Variants in SMARCA4 observed in about 807,000 individuals in gnomAD.
SMARCA4 encodes the protein SWI/SNF related BAF chromatin remodeling complex subunit ATPase 4.
A neutral mutation model predicts 193.9 loss-of-function variants in SMARCA4; 31 were observed. The ratio of observed to expected loss-of-function variants is 0.16; its 90% confidence interval spans 0.12 to 0.22. The LOEUF (loss-of-function observed/expected upper bound fraction) is 0.22. Among genes scored for constraint, SMARCA4 ranks in the 10% least tolerant of loss-of-function variants. The pLI, the probability that SMARCA4 is intolerant of heterozygous loss-of-function variation, is 1.00. For synonymous variants in SMARCA4, 942 were observed against 933.1 expected (o/e 1.01, Z -0.17); for missense variants, 1,148 against 2,296.0 (o/e 0.50, Z 10.22).
intron 14 of SMARCA4, among the ~76,000 whole-genome samples, chr19:11,010,008 T>TTTCACC (rs1460591116): frequency 6.6e-6 from 1 of 152,074 alleles, no homozygotes; most frequent in African/African-American, 2.4e-5. Context: ...TTTTTTGTAG[T>TTTCACC]AGAGATGGGG....
chr19:11,056,316 C>T (rs968667046), intron 30 of SMARCA4: 15 of 152,330 alleles, frequency 9.8e-5, no homozygotes, highest in African/African-American at 2.4e-4. Flanking sequence ...GCCACCAGCC[C>T]GCTCATAGGA....
chr19:10,995,370 T>A (rs1273439486), intron 9 of SMARCA4: 3 of 474,668 alleles, frequency 6.3e-6, no homozygotes, highest in South Asian at 4.6e-5. Context: ...GGGCAGATAT[T>A]GGCAGCGTGT....
intron 8 of SMARCA4, among the ~76,000 whole-genome samples, chr19:10,993,088 C>T (rs755476264): frequency 2.0e-5 from 3 of 149,702 alleles, no homozygotes; most frequent in Non-Finnish European, 4.4e-5. Flanking sequence ...TGGGTTCAAG[C>T]GATTCTCCTG....
rs878854233 is a variant in SMARCA4 at position 11,060,117 on chromosome 19, G to A, written c.4841G>A (p.Arg1614Gln). Residue 1614 changes from arginine (R) to glutamine (Q), a missense_variant, in exon 34 of 35, where the codon CGG (arginine) becomes CAG (glutamine). Arg to Gln is a conservative substitution (Grantham distance 43). Transcript: ENST00000344626. ...KAQDRLKGGRRRPSRGSRAKP... is the reference protein window; with the variant it reads ...KAQDRLKGGRQRPSRGSRAKP... ...CAGGACCGGCTGAAGGGCGGCCGGC[G>A]GCGGCCGAGCCGAGGGTCCCGAGCC... 7 of 1,551,084 alleles carry A rather than the reference G, an allele frequency of 4.5e-6. No homozygotes were observed. The highest frequency in any genetic ancestry group is 2.4e-5 in the South Asian group (2 of 84,056).
chr19:11,057,028 C>T (rs2076584516), intron 30 of SMARCA4, among the ~76,000 whole-genome samples: 1 of 152,240 alleles, frequency 6.6e-6, no homozygotes, highest in Non-Finnish European at 1.5e-5. Context: ...AGGAAAGAAG[C>T]GGTGCTGATG....
chr19:10,985,545 G>A lies in SMARCA4; in HGVS notation c.355+140G>A. 2 of 1,055,718 alleles carry A rather than the reference G, an allele frequency of 1.9e-6. No homozygotes were observed. Among genetic ancestry groups the A allele is most frequent in the East Asian group, 5.2e-5 (2 of 38,682 alleles). 65.4% of individuals were successfully genotyped at this position (1,055,718 alleles called of 1,614,324 possible). A position where few individuals can be genotyped will look rare whatever the true frequency, so the allele number is the denominator to read the frequency against. On this transcript the variant is annotated intron_variant, in intron 3 of 34. Transcript: ENST00000344626. This position sits in a 1 kb window ranked among gnomAD's most constrained non-coding sequence, Gnocchi z 4.5. ...CCGGGTGGGTGGCCCGCCACAGAGA[G>A]CTGTCTGGCATGGCGTGGCTGGTGC... is the stretch of plus-strand genomic sequence containing the variant.
intron 30 of SMARCA4, among the ~76,000 whole-genome samples, chr19:11,055,332 G>A (rs1176008074): frequency 6.6e-6 from 1 of 152,120 alleles, no homozygotes; most frequent in Non-Finnish European, 1.5e-5. Context: ...TGGGATTGCA[G>A]GTGCCTGTCA....
intron 7 of SMARCA4, among the ~76,000 whole-genome samples, chr19:10,990,332 G>T (rs1345168010): frequency 2.0e-5 from 3 of 151,814 alleles, no homozygotes; most frequent in African/African-American, 7.3e-5. Flanking sequence ...TTTTTGAAGT[G>T]CAGTGGCACA....
At chr19:10,975,237 G>A (rs779586615) in intron 1 of SMARCA4, among the ~76,000 whole-genome samples, 32 of 150,480 alleles carry the variant, frequency 2.1e-4, no homozygotes, top group Non-Finnish European at 3.4e-4. Flanking sequence ...GGCTGGTCCC[G>A]AACTCTTGGC....
At chr19:10,963,752 C>G (rs1055860349) in intron 1 of SMARCA4, among the ~76,000 whole-genome samples, 2 of 150,818 alleles carry the variant, frequency 1.3e-5, no homozygotes, top group Non-Finnish European at 1.5e-5. Context: ...GCACCTGATG[C>G]GTAGTGAACA....
At position 11,019,384 on chromosome 19, in the gene SMARCA4, C is replaced by T. The variant is rs1300219794; in HGVS notation, c.2506-207C>T. On this transcript the variant is annotated intron_variant, in intron 17 of 34. Coordinates refer to ENST00000344626, the MANE Select transcript of SMARCA4 (RefSeq NM_003072.5). The surrounding 1 kb of genome is among the most constrained non-coding windows in gnomAD (Gnocchi z 6.1). The stretch of plus-strand genomic sequence containing the variant: ...AGGCCCCGGCCGCCGCTGGCCTGCA[C>T]TGCTTCCTCTTCCCCCTGCAGCGCG... 4.9e-6 allele frequency: 3 copies of T among 618,306 alleles called. No homozygotes were observed. Among genetic ancestry groups the T allele is most frequent in the Non-Finnish European group, 8.7e-6 (3 of 344,414 alleles). 38.3% of individuals were successfully genotyped at this position (618,306 alleles called of 1,614,324 possible).
chr19:11,033,764 C>T lies in SMARCA4; in HGVS notation c.3775-3C>T, dbSNP rs376039891. 1.3e-6 allele frequency: 1 copy of T among 780,074 alleles called. No individual in the cohort carries two copies. Among genetic ancestry groups the T allele is most frequent in the Non-Finnish European group, 2.4e-6 (1 of 418,360 alleles). 48.3% of individuals were successfully genotyped at this position (780,074 alleles called of 1,614,324 possible). Reference sequence around the variant, plus strand: ...GAGACTGAAGTCCTCTATTTATCCACAGAGCAGACACTGCAGCACGGGCAG... The same window carrying T: ...GAGACTGAAGTCCTCTATTTATCCATAGAGCAGACACTGCAGCACGGGCAG... On this transcript the variant is annotated splice_region_variant and splice_polypyrimidine_tract_variant and intron_variant, in intron 26 of 34. Transcript: ENST00000344626. This position sits in a 1 kb window ranked among gnomAD's most constrained non-coding sequence, Gnocchi z 9.8.
In SMARCA4 at chr19:11,030,407, T is replaced by C. The variant is rs544485733; in HGVS notation, c.3383-323T>C. ...AGGAGAGAATCCAGGGCTGTGGTGG[T>C]GGTGGCTGTGCTGACGCTGGACGCT... On this transcript the variant is annotated intron_variant, in intron 24 of 34. Transcript: ENST00000344626. This position sits in a 1 kb window ranked among gnomAD's most constrained non-coding sequence, Gnocchi z 5.5. 7.2e-5 allele frequency among the ~76,000 whole-genome samples: 11 copies of C among 152,240 alleles called. 1 individual carries two copies. The South Asian group carries it at 1.7e-3, about 23-fold the overall frequency.
chr19:11,035,562 GT>G (rs2075218102), intron 29 of SMARCA4, among the ~76,000 whole-genome samples: 1 of 152,200 alleles, frequency 6.6e-6, no homozygotes, highest in South Asian at 2.1e-4. Flanking sequence ...CTTTGGGCAA[GT>G]CCCCCCCCAT....
At chr19:11,012,855 C>T (rs754149931) in intron 15 of SMARCA4, 94 bp from the exon 16 acceptor site, 90 of 1,178,930 alleles carry the variant, frequency 7.6e-5, no homozygotes, top group African/African-American at 1.2e-4. Context: ...AGGCAGAACT[C>T]GTGGCTGGCG....
Position 11,033,784 on chromosome 19 carries a change from G to A in SMARCA4, c.3792G>A (p.Thr1264=), listed in dbSNP as rs1333494917. ...ATCCACAGAGCAGACACTGCAGCAC[G>A]GGCAGCGGCAGTGCCAGCTTCGCCC... ...EEQDESRHCS[T]GSGSASFAHT... Residue 1264 remains threonine (T), a synonymous_variant, in exon 27 of 35, where the codon ACG becomes ACA. Coordinates refer to ENST00000344626, the MANE Select transcript of SMARCA4 (RefSeq NM_003072.5). This position sits in a 1 kb window ranked among gnomAD's most constrained non-coding sequence, Gnocchi z 9.8. 3 of 779,934 alleles carry A rather than the reference G, an allele frequency of 3.8e-6. No individual in the cohort carries two copies. Among genetic ancestry groups the A allele is most frequent in the South Asian group, 1.3e-5 (1 of 74,630 alleles). 48.3% of individuals were successfully genotyped at this position (779,934 alleles called of 1,614,324 possible).
chr19:11,014,340 G>C (rs1192496035), intron 16 of SMARCA4, among the ~76,000 whole-genome samples: 2 of 152,222 alleles, frequency 1.3e-5, no homozygotes. Context: ...CTGGAGGAAA[G>C]GTGAGGACCC....
At chr19:10,974,455 T>C (rs775098867) in intron 1 of SMARCA4, among the ~76,000 whole-genome samples, 89 of 132,332 alleles carry the variant, frequency 6.7e-4, no homozygotes, top group Non-Finnish European at 1.4e-3. Context: ...TGATTTAGGC[T>C]TTTTTTTTTT....
Position 10,982,640 on chromosome 19 carries a change from C to T in SMARCA4, c.-31-1481C>T, listed in dbSNP as rs925706187. ...TCAGCCTCCCCAGTAGCTGGGACTA[C>T]AGGTGCCTGCCACCATGCCCGGCTA... On this transcript the variant is annotated intron_variant, in intron 1 of 34. Coordinates refer to ENST00000344626, the MANE Select transcript of SMARCA4 (RefSeq NM_003072.5). Among the ~76,000 whole-genome samples, 12 of 151,878 alleles carry T rather than the reference C, an allele frequency of 7.9e-5. No individual in the cohort carries two copies. In the East Asian group the frequency reaches 1.4e-3, roughly 17 times the overall value.
Sources: allele counts gnomAD v4.1 joint callset (sites outside exome capture counted in the v4.1 genomes callset), GRCh38; gene constraint gnomAD v4.1.1; non-coding constraint Gnocchi (gnomAD v3.1); transcripts MANE v1.5; gene names NCBI Gene and HGNC (gene_info 2026-07-23, HGNC 2026-07-21).